The following DCDC2 variants were observed in gnomAD, a reference collection of about 807,000 sequenced individuals.
The protein encoded by DCDC2 is doublecortin domain-containing protein 2.
In DCDC2, 40 loss-of-function variants were observed where a neutral mutation model predicts 50.2. The observed-to-expected ratio is 0.80, with a 90% CI of 0.62 to 1.04. The LOEUF (loss-of-function observed/expected upper bound fraction) is 1.04, where lower values mean the gene tolerates loss of function less well. Ranked by LOEUF, DCDC2 falls within the 50% of genes least tolerant of loss-of-function variation. The pLI, the probability that DCDC2 is intolerant of heterozygous loss-of-function variation, is 0.00. For missense variants in DCDC2, 570 were observed against 581.9 expected (o/e 0.98, Z 0.21); for synonymous variants, 234 against 210.6 (o/e 1.11, Z -0.96).
chr6:24,261,186 T>C (rs1343476138), intron 7 of DCDC2, among the ~76,000 whole-genome samples: 2 of 147,368 alleles, frequency 1.4e-5, no homozygotes, highest in Non-Finnish European at 3.0e-5. Flanking sequence ...TTAAGTACAT[T>C]TTAAATCCAT....
At chr6:24,362,330 T>A (rs1340273070), upstream of DCDC2, among the ~76,000 whole-genome samples, 1 of 146,352 alleles carries the variant, frequency 6.8e-6, no homozygotes, top group African/African-American at 2.5e-5. Flanking sequence ...AATTATTTTT[T>A]ATTTAATTGT....
chr6:24,226,885 G>A (rs1366486759), intron 7 of DCDC2, among the ~76,000 whole-genome samples: 4 of 152,190 alleles, frequency 2.6e-5, no homozygotes, highest in African/African-American at 7.2e-5. Flanking sequence ...GAATGAATTT[G>A]ATTTAAAATC....
At chr6:24,282,965 T>C (rs1379955374) in intron 6 of DCDC2, among the ~76,000 whole-genome samples, 1 of 152,010 alleles carries the variant, frequency 6.6e-6, no homozygotes, top group East Asian at 1.9e-4. Context: ...GATACTTGAA[T>C]AATAACGAAA....
chr6:24,267,120 G>A (rs1337100234), intron 7 of DCDC2, among the ~76,000 whole-genome samples: 2 of 152,176 alleles, frequency 1.3e-5, no homozygotes, highest in South Asian at 2.1e-4. Context: ...TTAAACTCAC[G>A]AAGATACAGA....
intron 2 of DCDC2, among the ~76,000 whole-genome samples, chr6:24,326,175 AAGG>A (rs1312932027): frequency 7.4e-6 from 1 of 134,678 alleles, no homozygotes; most frequent in African/African-American, 2.5e-5. Flanking sequence ...GAAAGGAAGG[AAGG>A]AAGGAAGGAA....
intron 4 of DCDC2, among the ~76,000 whole-genome samples, chr6:24,301,015 A>G (rs1759359085): frequency 6.6e-6 from 1 of 151,410 alleles, no homozygotes; most frequent in South Asian, 2.1e-4. Context: ...CCCTAGGCAA[A>G]TAGTTTAAAC....
At chr6:24,186,667 TC>T (rs1200737202) in intron 8 of DCDC2, among the ~76,000 whole-genome samples, 2 of 152,134 alleles carry the variant, frequency 1.3e-5, no homozygotes, top group Non-Finnish European at 1.5e-5. Context: ...TTCTCCCCGC[TC>T]TACTCATCAC....
intron 4 of DCDC2, among the ~76,000 whole-genome samples, chr6:24,291,677 G>A (rs1024594477): frequency 2.0e-5 from 3 of 151,558 alleles, no homozygotes; most frequent in South Asian, 2.1e-4. Flanking sequence ...AGTAGAGACC[G>A]GGTTTCACCG....
At chr6:24,295,711 T>A (rs1249166774) in intron 4 of DCDC2, among the ~76,000 whole-genome samples, 3 of 152,072 alleles carry the variant, frequency 2.0e-5, no homozygotes, top group African/African-American at 7.2e-5. Flanking sequence ...AGGAGCACAT[T>A]TTCATAATTG....
chr6:24,296,170 C>T (rs1286055595), intron 4 of DCDC2, among the ~76,000 whole-genome samples: 2 of 152,100 alleles, frequency 1.3e-5, no homozygotes, highest in Non-Finnish European at 2.9e-5. Context: ...AGAAATAACA[C>T]AGTACACCTA....
intron 7 of DCDC2, among the ~76,000 whole-genome samples, chr6:24,255,256 T>C (rs373576460): frequency 6.6e-6 from 1 of 151,924 alleles, no homozygotes; most frequent in Non-Finnish European, 1.5e-5. Flanking sequence ...CAACTAGATA[T>C]TCACATGGAG....
chr6:24,359,163 T>C (rs1281253346), upstream of DCDC2, among the ~76,000 whole-genome samples: 1 of 78,566 alleles, frequency 1.3e-5, no homozygotes, highest in Non-Finnish European at 2.1e-5. Context: ...ATATATTTTA[T>C]ATATTTTATA....
At chr6:24,287,494 T>G (rs1474989052) in intron 6 of DCDC2, among the ~76,000 whole-genome samples, 4 of 152,182 alleles carry the variant, frequency 2.6e-5, no homozygotes, top group Non-Finnish European at 5.9e-5. Context: ...TACTTCCTTT[T>G]TTCATTCCTT....
At chr6:24,186,368 T>C (rs566154432) in intron 8 of DCDC2, among the ~76,000 whole-genome samples, 32 of 152,340 alleles carry the variant, frequency 2.1e-4, no homozygotes, top group African/African-American at 4.6e-4. Context: ...ATTATTTCCA[T>C]TGTATAGAAT....
intron 7 of DCDC2, among the ~76,000 whole-genome samples, chr6:24,230,734 G>A (rs80238692): frequency 0.02 from 3,112 of 152,328 alleles, 100 homozygotes; most frequent in African/African-American, 0.066. Context: ...GGGAATGCCA[G>A]TGCAAAGGCC....
intron 8 of DCDC2, among the ~76,000 whole-genome samples, chr6:24,187,687 G>T (rs573130138): frequency 2.0e-5 from 3 of 152,250 alleles, no homozygotes; most frequent in South Asian, 4.1e-4. Context: ...CAACACCACT[G>T]ACTCTGGATA....
intron 2 of DCDC2, among the ~76,000 whole-genome samples, chr6:24,345,365 T>G (rs538405250): frequency 6.6e-6 from 1 of 152,294 alleles, no homozygotes; most frequent in East Asian, 1.9e-4. Flanking sequence ...AATAATGATA[T>G]TCAAAATCTT....
chr6:24,292,799 G>GT (rs968532880), intron 4 of DCDC2, among the ~76,000 whole-genome samples: 2 of 152,190 alleles, frequency 1.3e-5, no homozygotes, highest in Non-Finnish European at 2.9e-5. Context: ...CCTGTACATT[G>GT]TAAGATGTTT....
At chr6:24,289,971 CTTTTTTTTTTTTTT>C (rs3077132) in intron 5 of DCDC2, among the ~76,000 whole-genome samples, 4,621 of 60,850 alleles carry the variant, frequency 0.076, 921 homozygotes, top group African/African-American at 0.22. Flanking sequence ...CAGAGCTCTT[CTTTTTTTTTTTTTT>C]TTTTTTTTTT....
Sources: allele counts gnomAD v4.1 joint callset (sites outside exome capture counted in the v4.1 genomes callset), GRCh38; gene constraint gnomAD v4.1.1; transcripts MANE v1.5; gene names NCBI Gene and HGNC (gene_info 2026-07-23, HGNC 2026-07-21).